The following ECI1 variants were observed in gnomAD, a reference collection of about 807,000 sequenced individuals.
ECI1 encodes the protein enoyl-CoA delta isomerase 1, mitochondrial.
ECI1 carries 34 observed loss-of-function variants against 34.2 expected under a neutral mutation model. The observed-to-expected ratio is 1.00, with a 90% CI of 0.76 to 1.33. The LOEUF is 1.33. Ranked by LOEUF, ECI1 falls within the 40% of genes most tolerant of loss-of-function variation. The pLI is 0.00. For synonymous variants in ECI1, 211 were observed against 193.0 expected (o/e 1.09, Z -0.77); for missense variants, 456 against 422.2 (o/e 1.08, Z -0.70).
At chr16:2,240,403 A>G in intron 6 of ECI1, 1 of 430,298 alleles carries the variant, frequency 2.3e-6, no homozygotes, top group Admixed American at 3.5e-5. Context: ...TAGAGATGGG[A>G]TTTCCTCATG....
Position 2,243,125 on chromosome 16 carries a change from G to T in ECI1, c.663C>A (p.Gly221=), listed in dbSNP as rs575561538. Residue 221 remains glycine, a synonymous_variant, in exon 6 of 7, where the codon GGC becomes GGA. Coordinates refer to ENST00000301729, the MANE Select transcript of ECI1 (RefSeq NM_001919.4). ...CCTCCGGGACCACCTGGTCCACTAT[G>T]CCCACCTGCAGGGCCTCCGCCGGCG... ...LFPPAEALQV[G]IVDQVVPEEQ... 9.3e-6 allele frequency: 15 copies of T among 1,606,310 alleles called. No individual in the cohort carries two copies. The African/African-American group carries it at 2.0e-4, about 21-fold the overall frequency.
chr16:2,242,687 CAG>C (rs753224693), intron 6 of ECI1: 20 of 320,320 alleles, frequency 6.2e-5, no homozygotes, highest in East Asian at 2.0e-4. Flanking sequence ...CACAGAAACA[CAG>C]GGGAGAAAGC....
intron 6 of ECI1, chr16:2,242,560 TGACCTTATTTGGAA>T: frequency 5.4e-6 from 1 of 184,890 alleles, no homozygotes; most frequent in Non-Finnish European, 1.1e-5. Flanking sequence ...CTTGGAAGTG[TGACCTTATTTGGAA>T]AGAGTCTCTG....
Position 2,239,588 on chromosome 16 carries a change from G to A in ECI1, c.*391C>T, listed in dbSNP as rs538058646. On this transcript the variant is annotated 3_prime_UTR_variant, in exon 7 of 7. Transcript: ENST00000301729. The stretch of plus-strand genomic sequence containing the variant: ...GCTTTTCCCTGGGGAGTTCTGTGTG[G>A]GTCATGGGGGCCAAGACCACCTGGC... The A allele has an allele frequency of 7.4e-4, 253 of 343,532 alleles. No individual in the cohort carries two copies. The highest frequency in any genetic ancestry group is 2.7e-3 in the Admixed American group (67 of 24,752). 21.3% of individuals were successfully genotyped at this position (343,532 alleles called of 1,614,324 possible).
intron 2 of ECI1, among the ~76,000 whole-genome samples, chr16:2,250,105 C>T (rs1436475049): frequency 6.8e-6 from 1 of 147,544 alleles, no homozygotes. Context: ...TCAGTTTTTA[C>T]AAAAATTAGT....
chr16:2,239,876 A>G lies in ECI1; in HGVS notation c.*103T>C. 7.7e-7 allele frequency: 1 copy of G among 1,301,232 alleles called. No homozygotes were observed. Among genetic ancestry groups the G allele is most frequent in the Non-Finnish European group, 1.1e-6 (1 of 898,644 alleles). 80.6% of individuals were successfully genotyped at this position (1,301,232 alleles called of 1,614,324 possible). On this transcript the variant is annotated 3_prime_UTR_variant, in exon 7 of 7. Transcript: ENST00000301729. Reference sequence around the variant, plus strand: ...AGGAACTTCTACGTAACATCAGCAAAATGAAACGCTGGCAGTACTTTTAAG... The same window carrying G: ...AGGAACTTCTACGTAACATCAGCAAGATGAAACGCTGGCAGTACTTTTAAG...
At position 2,243,338 on chromosome 16, in the gene ECI1, C is replaced by T. The variant is rs1336258870; in HGVS notation, c.543G>A (p.Leu181=). The T allele has an allele frequency of 6.2e-7, 1 of 1,613,716 alleles. No individual in the cohort carries two copies. Among genetic ancestry groups the T allele is most frequent in the East Asian group, 2.2e-5 (1 of 44,888 alleles). The change falls in exon 5 of 7, where the codon CTG becomes CTA. Residue 181 remains leucine (L), a synonymous_variant. Transcript: ENST00000301729. ...RYCIGLNETQ[L]GIIAPFWLKD... ...CTTACCAGAAAGGGGCGATGATGCC[C>T]AGCTGGGTCTCATTGAGTCCTATGC...
chr16:2,239,983 C>G lies in ECI1; in HGVS notation c.905G>C (p.Gly302Ala), dbSNP rs771549301. The G allele has an allele frequency of 6.2e-7, 1 of 1,613,728 alleles. No individual in the cohort carries two copies. Among genetic ancestry groups the G allele is most frequent in the Non-Finnish European group, 8.5e-7 (1 of 1,180,020 alleles). Residue 302 changes from glycine to alanine, a missense_variant, in exon 7 of 7, where the codon GGC becomes GCC. Transcript: ENST00000301729. ...AAGCCTGTGGCAGCCCAATCGTTAG[C>G]CTTTTTCTTCTTTGAGCCTCTCTAA... Reference protein sequence around the residue: ...MYLERLKEEKG With the variant: ...MYLERLKEEKA
rs1256998040 is a variant in ECI1 at position 2,246,779 on chromosome 16, AT to A, written c.294+79del. 3.7e-6 allele frequency: 6 copies of A among 1,601,118 alleles called. No homozygotes were observed. In the African/African-American group the frequency reaches 5.4e-5, roughly 14 times the overall value. ...CACGTTGGCAGGCTCTGCCTCTTCC[AT>A]GTGCAACAGGCCTGGGCTCACATCA... On this transcript the variant is annotated intron_variant, in intron 3 of 6. Transcript: ENST00000301729.
chr16:2,250,958 C>G (rs2093551844), intron 2 of ECI1, among the ~76,000 whole-genome samples: 1 of 152,164 alleles, frequency 6.6e-6, no homozygotes, highest in African/African-American at 2.4e-5. Flanking sequence ...GGCATAGGCA[C>G]GCACCACCAC....
In ECI1 at chr16:2,251,502, C is replaced by T. The variant is rs1340953536; in HGVS notation, c.52+13G>A. 6.4e-7 allele frequency: 1 copy of T among 1,558,802 alleles called. No homozygotes were observed. Among genetic ancestry groups the T allele is most frequent in the Non-Finnish European group, 8.7e-7 (1 of 1,153,658 alleles). On this transcript the variant is annotated intron_variant, in intron 1 of 6. Coordinates refer to ENST00000301729, the MANE Select transcript of ECI1 (RefSeq NM_001919.4). ...GGCCCCGGCCCGATCCCTGCCCACC[C>T]CGGGTTTCGCACCCGCGCGGAGCAG... is the stretch of plus-strand genomic sequence containing the variant.
chr16:2,242,613 G>C (rs1367804425), intron 6 of ECI1: 1 of 209,784 alleles, frequency 4.8e-6, no homozygotes, highest in African/African-American at 2.3e-5. Flanking sequence ...GATCATCTTG[G>C]ATTTAAGGTA....
At chr16:2,243,557 C>G in intron 4 of ECI1, 118 bp from the exon 5 acceptor site, 1 of 1,236,850 alleles carries the variant, frequency 8.1e-7, no homozygotes, top group South Asian at 1.2e-5. Context: ...CCGCAGGGTT[C>G]AACACCCACA....
rs1486748291 is a variant in ECI1 at position 2,243,459 on chromosome 16, A to T, written c.442-20T>A. The T allele has an allele frequency of 1.2e-6, 2 of 1,609,912 alleles. No homozygotes were observed. Among genetic ancestry groups the T allele is most frequent in the Admixed American group, 1.7e-5 (1 of 60,026 alleles). ...GGCTCCCTGCAGGGAGAGGCCGGAC[A>T]GGGCTCTTAGGTGCTGCTGGTCCCA... On this transcript the variant is annotated intron_variant, in intron 4 of 6. Coordinates refer to ENST00000301729, the MANE Select transcript of ECI1 (RefSeq NM_001919.4).
intron 3 of ECI1, 35 bp downstream of exon 3, chr16:2,246,824 C>A (rs1301729394): frequency 6.2e-7 from 1 of 1,611,346 alleles, no homozygotes; most frequent in South Asian, 1.1e-5. Context: ...AGGCCAAGAA[C>A]TCGGGCTGGG....
At chr16:2,247,087 G>T (rs956230940) in intron 2 of ECI1, 101 bp from the exon 3 acceptor site, 30 of 1,400,360 alleles carry the variant, frequency 2.1e-5, no homozygotes, top group East Asian at 2.5e-5. Flanking sequence ...TGCATTTTGG[G>T]GGTTTTATTT....
chr16:2,239,616 TAC>T lies in ECI1; in HGVS notation c.*361_*362del. ...CATGGGGGCCAAGACCACCTGGCCT[TAC>T]ACCTAAGAGCAGGCAGTCCAAAGGC... is the stretch of plus-strand genomic sequence containing the variant. On this transcript the variant is annotated 3_prime_UTR_variant, in exon 7 of 7. Coordinates refer to ENST00000301729, the MANE Select transcript of ECI1 (RefSeq NM_001919.4). The T allele has an allele frequency of 2.8e-6, 1 of 358,970 alleles. No homozygotes were observed. The highest frequency in any genetic ancestry group is 5.4e-6 in the Non-Finnish European group (1 of 184,336). 22.2% of individuals were successfully genotyped at this position (358,970 alleles called of 1,614,324 possible).
At chr16:2,248,149 T>G (rs2093544782) in intron 2 of ECI1, among the ~76,000 whole-genome samples, 1 of 152,096 alleles carries the variant, frequency 6.6e-6, no homozygotes, top group African/African-American at 2.4e-5. Context: ...CAGGCTGGAG[T>G]GCAGTGGCGC....
At chr16:2,251,465 G>T (rs749574834) in intron 1 of ECI1, 36 bp from the exon 2 acceptor site, 6 of 1,526,998 alleles carry the variant, frequency 3.9e-6, no homozygotes, top group African/African-American at 1.4e-5. Flanking sequence ...GTTAGTTCCC[G>T]GTCCTGGCCC....
Sources: gnomAD v4.1 joint callset for allele counts (sites outside exome capture counted in the v4.1 genomes callset) on GRCh38, gnomAD v4.1.1 for gene constraint, MANE v1.5 for transcripts, NCBI Gene and HGNC (gene_info 2026-07-23, HGNC 2026-07-21) for gene names.